The following METTL24 variants were observed in gnomAD, a reference collection of about 807,000 sequenced individuals.
The protein encoded by METTL24 is methyltransferase like 24.
A neutral mutation model predicts 32.7 loss-of-function variants in METTL24; 29 were observed. The ratio of observed to expected loss-of-function variants is 0.89; its 90% CI spans 0.66 to 1.21. The LOEUF is 1.21. Ranked by LOEUF, METTL24 falls within the 50% of genes most tolerant of loss-of-function variation. The pLI, the probability that METTL24 is intolerant of heterozygous loss-of-function variation, is 0.00. For synonymous variants in METTL24, 163 were observed against 179.5 expected, an observed-to-expected ratio of 0.91 and a Z score of 0.73; for missense variants, 439 against 468.1, an observed-to-expected ratio of 0.94 and a Z score of 0.57.
At chr6:110,295,758 C>T (rs564629955) in intron 4 of METTL24, among the ~76,000 whole-genome samples, 72 of 132,664 alleles carry the variant, frequency 5.4e-4, no homozygotes, top group African/African-American at 2.3e-3. Context: ...AGAGAAATGT[C>T]TGATATATTT....
At chr6:110,263,670 C>G (rs896633119) in intron 4 of METTL24, among the ~76,000 whole-genome samples, 1 of 152,172 alleles carries the variant, frequency 6.6e-6, no homozygotes, top group African/African-American at 2.4e-5. Context: ...CAAGTCAATC[C>G]TAAGCCAAAA....
chr6:110,249,463 C>A lies in METTL24; in HGVS notation c.787-3203G>T, dbSNP rs572835106. Reference sequence around the variant, plus strand: ...GAGCACAGAAGCTCTTCTCTGCCTTCTGACCTGAGAGTGCAGGCAGCCAAA... The same window carrying A: ...GAGCACAGAAGCTCTTCTCTGCCTTATGACCTGAGAGTGCAGGCAGCCAAA... On this transcript the variant is annotated intron_variant, in intron 4 of 4. Transcript: ENST00000338882. Among the ~76,000 whole-genome samples, 3 of 148,530 alleles carry A rather than the reference C, an allele frequency of 2.0e-5. No homozygotes were observed. The South Asian group carries it at 6.3e-4, about 31-fold the overall frequency.
At chr6:110,324,874 G>A (rs761758227) in intron 1 of METTL24, among the ~76,000 whole-genome samples, 20 of 152,240 alleles carry the variant, frequency 1.3e-4, no homozygotes, top group Non-Finnish European at 2.6e-4. Flanking sequence ...ATAGAGATAT[G>A]ACTAAAACCC....
At chr6:110,247,309 T>C (rs1244322108) in intron 4 of METTL24, among the ~76,000 whole-genome samples, 1 of 152,178 alleles carries the variant, frequency 6.6e-6, no homozygotes, top group Admixed American at 6.5e-5. Context: ...CCCAGTCACA[T>C]GGCTAGAGAG....
chr6:110,284,348 A>G (rs1771184131), intron 4 of METTL24, among the ~76,000 whole-genome samples: 1 of 152,200 alleles, frequency 6.6e-6, no homozygotes, highest in Non-Finnish European at 1.5e-5. Flanking sequence ...ACTTTGATAA[A>G]TTTTATGGTA....
At chr6:110,262,241 G>A (rs534525576) in intron 4 of METTL24, among the ~76,000 whole-genome samples, 6 of 152,260 alleles carry the variant, frequency 3.9e-5, no homozygotes, top group African/African-American at 1.4e-4. Flanking sequence ...AAAAAGAAAA[G>A]AGAGAAGAAT....
At chr6:110,350,668 G>A (rs1480930634) in intron 1 of METTL24, among the ~76,000 whole-genome samples, 1 of 151,850 alleles carries the variant, frequency 6.6e-6, no homozygotes, top group Non-Finnish European at 1.5e-5. Flanking sequence ...ACTCACATCT[G>A]TAATCCCAAA....
intron 3 of METTL24, among the ~76,000 whole-genome samples, chr6:110,309,904 C>T (rs1046008438): frequency 6.6e-6 from 1 of 151,506 alleles, no homozygotes; most frequent in African/African-American, 2.4e-5. Context: ...AACAAAAAAC[C>T]CTTTCCTCTT....
At chr6:110,258,583 T>C (rs1211923279) in intron 4 of METTL24, among the ~76,000 whole-genome samples, 1 of 152,026 alleles carries the variant, frequency 6.6e-6, no homozygotes, top group Non-Finnish European at 1.5e-5. Flanking sequence ...GATAGGTGGA[T>C]GGGTGGATAG....
intron 4 of METTL24, among the ~76,000 whole-genome samples, chr6:110,276,172 C>T (rs1406403337): frequency 6.6e-6 from 1 of 152,158 alleles, no homozygotes; most frequent in African/African-American, 2.4e-5. Context: ...GTGGTTCATG[C>T]CTATAATCCC....
Position 110,246,099 on chromosome 6 carries a change from GAACCGCAC to G in METTL24, c.940_947del (p.Val314LeufsTer24), listed in dbSNP as rs1778153504. ...CTAACTCTTTGAGAAGGCTGTACCA[GAACCGCAC>G]AACGCTGCTGTCACTGCCACTGACC... On this transcript the variant is annotated frameshift_variant, in exon 5 of 5. Coordinates refer to ENST00000338882, the MANE Select transcript of METTL24 (RefSeq NM_001123364.3). LOFTEE classifies it high-confidence loss of function. 6.2e-7 allele frequency: 1 copy of G among 1,614,050 alleles called. No individual in the cohort carries two copies. The highest frequency in any genetic ancestry group is 1.7e-5 in the Admixed American group (1 of 60,008).
At chr6:110,261,702 C>G (rs535913942) in intron 4 of METTL24, among the ~76,000 whole-genome samples, 1 of 152,280 alleles carries the variant, frequency 6.6e-6, no homozygotes, top group Non-Finnish European at 1.5e-5. Flanking sequence ...CCAAAACTGA[C>G]CACATAGTTG....
rs1778125912 is a variant in METTL24 at position 110,245,002 on chromosome 6, CATCT to C, written c.*940_*943del. Among the ~76,000 whole-genome samples the C allele has an allele frequency of 8.7e-6, 1 of 114,454 alleles. No individual in the cohort carries two copies. Among genetic ancestry groups the C allele is most frequent in the Non-Finnish European group, 1.7e-5 (1 of 58,102 alleles). The allele number at this position is 114,454 out of a possible 152,430, so 75.1% of individuals were successfully genotyped here. A position where few individuals can be genotyped will look rare whatever the true frequency, so the allele number is the denominator to read the frequency against. On this transcript the variant is annotated 3_prime_UTR_variant, in exon 5 of 5. Transcript: ENST00000338882. ...TCTATCTATCTATCTATCTATCTATCATCTATCTATTTATCTACCTACCTACCTA... is the reference window on the plus strand; with the variant it reads ...TCTATCTATCTATCTATCTATCTATCATCTATTTATCTACCTACCTACCTA...
At chr6:110,334,106 A>AG (rs1302973506) in intron 1 of METTL24, among the ~76,000 whole-genome samples, 25 of 151,512 alleles carry the variant, frequency 1.7e-4, no homozygotes, top group African/African-American at 5.8e-4. Context: ...GAGAAAACAG[A>AG]GGAAAGGGGG....
intron 4 of METTL24, among the ~76,000 whole-genome samples, chr6:110,278,875 A>G (rs1771091702): frequency 6.6e-6 from 1 of 152,096 alleles, no homozygotes. Flanking sequence ...TAGAAAAATG[A>G]GCCAGTCATG....
intron 4 of METTL24, among the ~76,000 whole-genome samples, chr6:110,270,103 C>T (rs1207543992): frequency 6.6e-6 from 1 of 152,144 alleles, no homozygotes; most frequent in Admixed American, 6.5e-5. Flanking sequence ...TCGAAGAGAT[C>T]AATACATATA....
chr6:110,330,756 G>T (rs1772097890), intron 1 of METTL24, among the ~76,000 whole-genome samples: 1 of 152,174 alleles, frequency 6.6e-6, no homozygotes. Flanking sequence ...AGGCTGGTGG[G>T]AACTTGAGGC....
intron 4 of METTL24, among the ~76,000 whole-genome samples, chr6:110,260,556 G>T (rs1183621550): frequency 2.0e-5 from 3 of 152,156 alleles, no homozygotes; most frequent in Non-Finnish European, 1.5e-5. Flanking sequence ...ATATTATCCA[G>T]GAGAACTTCC....
chr6:110,332,529 T>C, intron 1 of METTL24: 1 of 973,600 alleles, frequency 1.0e-6, no homozygotes, highest in Non-Finnish European at 1.2e-6. Context: ...AAGTTTCAGA[T>C]GTCAAATTAT....
Sources: allele counts gnomAD v4.1 joint callset (sites outside exome capture counted in the v4.1 genomes callset), GRCh38; gene constraint gnomAD v4.1.1; transcripts MANE v1.5; gene names NCBI Gene and HGNC (gene_info 2026-07-23, HGNC 2026-07-21).